Variants in SLC6A3 observed in about 807,000 individuals in gnomAD.
SLC6A3 encodes solute carrier family 6 member 3, also known as sodium-dependent dopamine transporter.
In SLC6A3, 19 loss-of-function variants were observed where a neutral mutation model predicts 70.4. The observed-to-expected ratio is 0.27, with a 90% CI of 0.19 to 0.40. The LOEUF is 0.40. Among genes scored for constraint, SLC6A3 ranks in the 10% least tolerant of loss-of-function variants. The pLI, the probability that SLC6A3 is intolerant of heterozygous loss-of-function variation, is 1.00. For synonymous variants in SLC6A3, 368 were observed against 356.6 expected, an observed-to-expected ratio of 1.03 and a Z score of -0.36; for missense variants, 613 against 838.5, an observed-to-expected ratio of 0.73 and a Z score of 3.32.
Position 1,402,730 on chromosome 5 carries a change from G to A in SLC6A3, c.1767+192C>T, listed in dbSNP as rs1214728454. Among the ~76,000 whole-genome samples the A allele has an allele frequency of 1.3e-5, 2 of 152,086 alleles. No individual in the cohort carries two copies. Among genetic ancestry groups the A allele is most frequent in the Non-Finnish European group, 2.9e-5 (2 of 68,016 alleles). ...CACACACATGAATACACATATGGAC[G>A]CACACCCATGGGCCCGGGCGTGCAG... On this transcript the variant is annotated intron_variant, in intron 13 of 14. Transcript: ENST00000270349. This position sits in a 1 kb window ranked among gnomAD's most constrained non-coding sequence, Gnocchi z 8.5.
chr5:1,397,648 T>A lies in SLC6A3; in HGVS notation c.1840-2890A>T, dbSNP rs966771209. Among the ~76,000 whole-genome samples the A allele has an allele frequency of 2.6e-5, 4 of 152,162 alleles. No individual in the cohort carries two copies. Among genetic ancestry groups the A allele is most frequent in the African/African-American group, 7.2e-5 (3 of 41,430 alleles). ...GATAGTCCCTGTCAGCCTAGAGCCC[T>A]GAGCCCACAACAGTGCTTTCGTGAA... On this transcript the variant is annotated intron_variant, in intron 14 of 14. Transcript: ENST00000270349. This position sits in a 1 kb window ranked among gnomAD's most constrained non-coding sequence, Gnocchi z 4.7.
chr5:1,433,862 C>T (rs1756767550), intron 3 of SLC6A3, among the ~76,000 whole-genome samples: 1 of 152,188 alleles, frequency 6.6e-6, no homozygotes, highest in African/African-American at 2.4e-5. Flanking sequence ...CATAGTCATC[C>T]ATGGCTGTCC....
intron 4 of SLC6A3, among the ~76,000 whole-genome samples, chr5:1,430,521 T>C (rs1214595504): frequency 6.6e-6 from 1 of 152,140 alleles, no homozygotes; most frequent in Admixed American, 6.5e-5. Context: ...CCATGAGAAC[T>C]GGTCCCTTTC....
intron 11 of SLC6A3, among the ~76,000 whole-genome samples, chr5:1,407,019 C>T (rs762640616): frequency 3.8e-4 from 58 of 152,344 alleles, no homozygotes; most frequent in Non-Finnish European, 7.2e-4. Context: ...TATACCGTCA[C>T]TGTGTCTTCA....
Position 1,394,861 on chromosome 5 carries a change from C to T in SLC6A3, c.1840-103G>A. Reference sequence around the variant, plus strand: ...CTGAAGGCAGTGAGCAGACAGTTTGCAGCCTCCTGGCCATGTGCCCTGGGA... The same window carrying T: ...CTGAAGGCAGTGAGCAGACAGTTTGTAGCCTCCTGGCCATGTGCCCTGGGA... On this transcript the variant is annotated intron_variant, in intron 14 of 14. Transcript: ENST00000270349. This position sits in a 1 kb window ranked among gnomAD's most constrained non-coding sequence, Gnocchi z 4.7. 2 of 1,288,006 alleles carry T rather than the reference C, an allele frequency of 1.6e-6. No individual in the cohort carries two copies. The highest frequency in any genetic ancestry group is 2.3e-6 in the Non-Finnish European group (2 of 886,706). The allele number at this position is 1,288,006 out of a possible 1,614,324, so 79.8% of individuals were successfully genotyped here. A position where few individuals can be genotyped will look rare whatever the true frequency, so the allele number is the denominator to read the frequency against.
At chr5:1,414,951 A>G in intron 7 of SLC6A3, 136 bp from the exon 8 acceptor site, 1 of 1,101,222 alleles carries the variant, frequency 9.1e-7, no homozygotes, top group South Asian at 1.3e-5. Context: ...CCCAGTGAGC[A>G]CGGCCAGCTC....
chr5:1,398,991 T>C (rs990719878), intron 14 of SLC6A3, among the ~76,000 whole-genome samples: 1 of 152,200 alleles, frequency 6.6e-6, no homozygotes, highest in African/African-American at 2.4e-5. Flanking sequence ...ATAACCCTAC[T>C]CAAATGGACA....
chr5:1,428,825 G>A (rs182589374), intron 4 of SLC6A3, among the ~76,000 whole-genome samples: 53 of 152,346 alleles, frequency 3.5e-4, no homozygotes, highest in Admixed American at 1.7e-3. Flanking sequence ...CATGGCCAGC[G>A]TCTCACCCAG....
In SLC6A3 at chr5:1,440,829, C is replaced by T. The variant is rs150295103; in HGVS notation, c.418+530G>A. Among the ~76,000 whole-genome samples the T allele has an allele frequency of 1.0e-3, 153 of 152,334 alleles. 1 individual carries two copies. The highest frequency in any genetic ancestry group is 3.4e-3 in the Middle Eastern group (1 of 294). ...ACCCTACAGACACCTTGATCTTGGA[C>T]TTCCAGCCTCCAGAGCTGTGAGACA... On this transcript the variant is annotated intron_variant, in intron 3 of 14. Coordinates refer to ENST00000270349, the MANE Select transcript of SLC6A3 (RefSeq NM_001044.5).
At chr5:1,414,962 C>T in intron 7 of SLC6A3, 147 bp from the exon 8 acceptor site, 1 of 1,007,574 alleles carries the variant, frequency 9.9e-7, no homozygotes, top group Non-Finnish European at 1.5e-6. Flanking sequence ...CGGCCAGCTC[C>T]TTAGCAGCCT....
rs752558131 is a variant in SLC6A3, at chr5:1,409,808, C to T, written c.1311G>A (p.Glu437=). ...CACGGTGTCTGTGCAGCAGCTGGAACTCATCGATGAGCCCGGTGATCACTG... is the reference window on the plus strand; with the variant it reads ...CACGGTGTCTGTGCAGCAGCTGGAATTCATCGATGAGCCCGGTGATCACTG... The part of the protein sequence containing the change: ...MESVITGLID[E]FQLLHRHREL... Residue 437 remains glutamate, a synonymous_variant, in exon 10 of 15, where the codon GAG becomes GAA. Coordinates refer to ENST00000270349, the MANE Select transcript of SLC6A3 (RefSeq NM_001044.5). 2 of 1,613,414 alleles carry T rather than the reference C, an allele frequency of 1.2e-6. No individual in the cohort carries two copies. Among genetic ancestry groups the T allele is most frequent in the Non-Finnish European group, 1.7e-6 (2 of 1,179,988 alleles).
chr5:1,434,622 T>G (rs115576429), intron 3 of SLC6A3, among the ~76,000 whole-genome samples: 47,164 of 151,944 alleles, frequency 0.31, 8,229 homozygotes, highest in East Asian at 0.53. Flanking sequence ...CAGGAAGAAT[T>G]TTTTTCATTT....
chr5:1,397,618 G>A lies in SLC6A3; in HGVS notation c.1840-2860C>T, dbSNP rs189528647. Among the ~76,000 whole-genome samples the A allele has an allele frequency of 2.0e-5, 3 of 152,280 alleles. No individual in the cohort carries two copies. Among genetic ancestry groups the A allele is most frequent in the East Asian group, 1.9e-4 (1 of 5,178 alleles). ...CACGGAACACTGCTGCCTCCAAAAC[G>A]CAGAGATAGTCCCTGTCAGCCTAGA... On this transcript the variant is annotated intron_variant, in intron 14 of 14. Coordinates refer to ENST00000270349, the MANE Select transcript of SLC6A3 (RefSeq NM_001044.5). The surrounding 1 kb of genome is among the most constrained non-coding windows in gnomAD (Gnocchi z 4.7).
intron 6 of SLC6A3, 125 bp from the exon 7 acceptor site, chr5:1,416,326 G>A (rs1756290502): frequency 2.8e-6 from 2 of 726,380 alleles, no homozygotes; most frequent in Non-Finnish European, 4.9e-6. Flanking sequence ...TCCTCAAGAA[G>A]TAAATGGCAG....
At chr5:1,429,297 C>T (rs894287504) in intron 4 of SLC6A3, among the ~76,000 whole-genome samples, 3 of 152,194 alleles carry the variant, frequency 2.0e-5, no homozygotes, top group African/African-American at 7.2e-5. Context: ...CCAAGCACCT[C>T]AGTGCCTTGG....
At position 1,414,681 on chromosome 5, in the gene SLC6A3, A is replaced by C; in HGVS notation, c.1156+10T>G. The stretch of plus-strand genomic sequence containing the variant: ...ACGGAGCAGGCCCAGGTGCAGCAGG[A>C]GGGGCTCACCGTCCTTGGCCACGTC... On this transcript the variant is annotated intron_variant, in intron 8 of 14. Coordinates refer to ENST00000270349, the MANE Select transcript of SLC6A3 (RefSeq NM_001044.5). 1.9e-6 allele frequency: 3 copies of C among 1,611,924 alleles called. No homozygotes were observed. The highest frequency in any genetic ancestry group is 2.7e-5 in the African/African-American group (2 of 74,886).
intron 7 of SLC6A3, among the ~76,000 whole-genome samples, 185 bp downstream of exon 7, chr5:1,415,913 A>G (rs1245498249): frequency 6.6e-6 from 1 of 152,232 alleles, no homozygotes; most frequent in Non-Finnish European, 1.5e-5. Context: ...CCTTCTTTAA[A>G]GTTGAAATCA....
intron 7 of SLC6A3, among the ~76,000 whole-genome samples, chr5:1,415,739 C>T (rs1000256012): frequency 3.3e-5 from 5 of 151,980 alleles, no homozygotes; most frequent in Non-Finnish European, 5.9e-5. Flanking sequence ...GGACCCTGAG[C>T]GAGGGAGGAC....
chr5:1,414,269 T>A, intron 8 of SLC6A3, among the ~76,000 whole-genome samples: 1 of 149,524 alleles, frequency 6.7e-6, no homozygotes. Context: ...TGGGGCAGCC[T>A]CATGTGGCAT....
Sources: gnomAD v4.1 joint callset for allele counts (sites outside exome capture counted in the v4.1 genomes callset) on GRCh38, gnomAD v4.1.1 for gene constraint, Gnocchi (gnomAD v3.1) non-coding constraint, MANE v1.5 for transcripts, NCBI Gene and HGNC (gene_info 2026-07-23, HGNC 2026-07-21) for gene names.